LRFN5: variants seen among roughly 807,000 people sequenced by gnomAD.
LRFN5 encodes the protein leucine-rich repeat and fibronectin type-III domain-containing protein 5.
In LRFN5, 24 loss-of-function variants were observed where a neutral mutation model predicts 45.6. The ratio of observed to expected loss-of-function variants is 0.53; its 90% CI spans 0.38 to 0.74. The LOEUF (loss-of-function observed/expected upper bound fraction) is 0.74, where lower values mean the gene tolerates loss of function less well. Among genes scored for constraint, LRFN5 ranks in the 30% least tolerant of loss-of-function variants. The pLI, the probability that LRFN5 is intolerant of heterozygous loss-of-function variation, is 0.00. For missense variants in LRFN5, 776 were observed against 861.5 expected (o/e 0.90, Z 1.24); for synonymous variants, 340 against 313.8 (o/e 1.08, Z -0.88).
intron 1 of LRFN5, among the ~76,000 whole-genome samples, chr14:41,660,268 C>G (rs1313291453): frequency 6.6e-6 from 1 of 152,056 alleles, no homozygotes; most frequent in East Asian, 1.9e-4. Flanking sequence ...TCAGGTTATC[C>G]ACCCACCTTG....
chr14:41,788,166 A>C (rs1393806583), intron 2 of LRFN5, among the ~76,000 whole-genome samples: 1 of 152,096 alleles, frequency 6.6e-6, no homozygotes, highest in Non-Finnish European at 1.5e-5. Context: ...CAGCCCAAGC[A>C]GAGTTATATT....
intron 1 of LRFN5, among the ~76,000 whole-genome samples, chr14:41,758,363 A>G (rs1885504974): frequency 6.6e-6 from 1 of 152,224 alleles, no homozygotes; most frequent in African/African-American, 2.4e-5. Context: ...GAGACAATTA[A>G]TCCCTTATGT....
Position 41,887,229 on chromosome 14 carries a change from G to C in LRFN5, c.604G>C (p.Val202Leu). 1 of 1,614,172 alleles carries C rather than the reference G, an allele frequency of 6.2e-7. No homozygotes were observed. The highest frequency in any genetic ancestry group is 8.5e-7 in the Non-Finnish European group (1 of 1,180,034). Residue 202 changes from valine (V) to leucine (L), a missense_variant, in exon 3 of 6, where the codon GTG becomes CTG. This residue lies in a region of LRFN5 where 311 missense variants were observed against 405.1 expected (regional missense o/e 0.77). Coordinates refer to ENST00000298119, the MANE Select transcript of LRFN5 (RefSeq NM_152447.5). The surrounding 1 kb of genome is among the most constrained non-coding windows in gnomAD (Gnocchi z 4.8). ...SHLHKMTRLD[V>L]TSNKLQKLPP... ...TTTGCACAAGATGACTCGGTTAGAT[G>C]TGACATCAAATAAATTGCAGAAGCT...
At chr14:41,737,243 G>A (rs932328412) in intron 1 of LRFN5, among the ~76,000 whole-genome samples, 1 of 151,958 alleles carries the variant, frequency 6.6e-6, no homozygotes, top group Non-Finnish European at 1.5e-5. Context: ...AGAACCAATG[G>A]CAAAAAACAC....
chr14:41,734,313 GTTTTATATATAT>G (rs1190179300), intron 1 of LRFN5, among the ~76,000 whole-genome samples: 1 of 12,442 alleles, frequency 8.0e-5, no homozygotes, highest in East Asian at 4.0e-3. Context: ...TCCTGGACTG[GTTTTATATATAT>G]ATATATATAT....
intron 2 of LRFN5, among the ~76,000 whole-genome samples, chr14:41,848,625 T>A (rs772026964): frequency 3.9e-5 from 6 of 152,030 alleles, no homozygotes; most frequent in Non-Finnish European, 7.4e-5. Flanking sequence ...CAAGAAACAC[T>A]ATGAATTGGG....
chr14:41,837,018 G>C (rs948316249), intron 2 of LRFN5, among the ~76,000 whole-genome samples: 1 of 151,876 alleles, frequency 6.6e-6, no homozygotes, highest in Non-Finnish European at 1.5e-5. Context: ...GGGTGGTTTT[G>C]CCAGTTTCTT....
At chr14:41,702,527 A>G (rs1882880232) in intron 1 of LRFN5, among the ~76,000 whole-genome samples, 1 of 152,150 alleles carries the variant, frequency 6.6e-6, no homozygotes, top group Admixed American at 6.6e-5. Flanking sequence ...CAGTGACACA[A>G]TCGTAGCTCA....
At chr14:41,745,614 T>TA (rs1241635904) in intron 1 of LRFN5, among the ~76,000 whole-genome samples, 1 of 151,322 alleles carries the variant, frequency 6.6e-6, no homozygotes, top group East Asian at 1.9e-4. Context: ...AAATGCTTAA[T>TA]AAAAATTTAT....
In LRFN5 at chr14:41,606,934, C is replaced by G. The variant is rs534611431; in HGVS notation, c.-1825C>G. ...GCTCAGTTCCACGCGGCCAGGAGGCCGCCGTTGCCCACACGCGACGCTTTG... is the reference window on the plus strand; with the variant it reads ...GCTCAGTTCCACGCGGCCAGGAGGCGGCCGTTGCCCACACGCGACGCTTTG... On this transcript the variant is annotated 5_prime_UTR_variant, in exon 1 of 6. Coordinates refer to ENST00000298119, the MANE Select transcript of LRFN5 (RefSeq NM_152447.5). 2.0e-5 allele frequency among the ~76,000 whole-genome samples: 3 copies of G among 151,968 alleles called. No homozygotes were observed. Among genetic ancestry groups the G allele is most frequent in the Non-Finnish European group, 4.4e-5 (3 of 67,970 alleles).
intron 1 of LRFN5, among the ~76,000 whole-genome samples, chr14:41,690,214 G>GAA (rs11461909): frequency 6.6e-5 from 10 of 151,290 alleles, no homozygotes; most frequent in South Asian, 6.3e-4. Flanking sequence ...ATAATTAAAA[G>GAA]AAAAAAAAGG....
intron 1 of LRFN5, among the ~76,000 whole-genome samples, chr14:41,699,217 A>G (rs1882739212): frequency 6.6e-6 from 1 of 152,038 alleles, no homozygotes; most frequent in African/African-American, 2.4e-5. Flanking sequence ...TCTCTGGGGT[A>G]GGTTATGAAA....
chr14:41,742,519 G>T (rs957209581), intron 1 of LRFN5: 2 of 152,078 alleles, frequency 1.3e-5, no homozygotes, highest in African/African-American at 2.4e-5. Context: ...ACTGACTTAG[G>T]TCCCAACTTC....
intron 1 of LRFN5, among the ~76,000 whole-genome samples, chr14:41,640,995 A>G (rs765776913): frequency 2.6e-5 from 4 of 152,130 alleles, no homozygotes; most frequent in South Asian, 2.1e-4. Context: ...AAGGATGACT[A>G]TTCAAAGAAA....
chr14:41,814,862 G>A lies in LRFN5; in HGVS notation c.-21+47833G>A, dbSNP rs190203825. ...ACTTACTGTGAAACACTTCTGAGAC[G>A]GAATAACATTTAAGCTTTGGTATGA... On this transcript the variant is annotated intron_variant, in intron 2 of 5. Transcript: ENST00000298119. Among the ~76,000 whole-genome samples the A allele has an allele frequency of 5.9e-5, 9 of 152,186 alleles. No homozygotes were observed. The East Asian group carries it at 1.4e-3, about 23-fold the overall frequency.
At chr14:41,819,847 G>A (rs1159670173) in intron 2 of LRFN5, among the ~76,000 whole-genome samples, 1 of 152,004 alleles carries the variant, frequency 6.6e-6, no homozygotes, top group Admixed American at 6.6e-5. Flanking sequence ...ATGAGGTTTG[G>A]GTGGAGACAC....
Position 41,887,275 on chromosome 14 carries a change from A to G in LRFN5, c.650A>G (p.Gln217Arg). 1.9e-6 allele frequency: 3 copies of G among 1,614,200 alleles called. No homozygotes were observed. The highest frequency in any genetic ancestry group is 2.5e-6 in the Non-Finnish European group (3 of 1,180,040). The change falls in exon 3 of 6, where the codon CAG (glutamine) becomes CGG (arginine). Residue 217 changes from glutamine (Q) to arginine (R), a missense_variant. Coordinates refer to ENST00000298119, the MANE Select transcript of LRFN5 (RefSeq NM_152447.5). This position sits in a 1 kb window ranked among gnomAD's most constrained non-coding sequence, Gnocchi z 4.8. ...LQKLPPDPLF[Q>R]RAQVLATSGI... Reference sequence around the variant, plus strand: ...AAGCTACCACCTGACCCTCTCTTTCAGCGAGCTCAGGTACTAGCAACCTCA... The same window carrying G: ...AAGCTACCACCTGACCCTCTCTTTCGGCGAGCTCAGGTACTAGCAACCTCA...
chr14:41,625,259 G>A (rs1328507765), intron 1 of LRFN5, among the ~76,000 whole-genome samples: 2 of 114,142 alleles, frequency 1.8e-5, no homozygotes, highest in East Asian at 4.3e-4. Flanking sequence ...ATCAAGGGTG[G>A]GTTCATCTGG....
chr14:41,755,694 A>G (rs568372427), intron 1 of LRFN5, among the ~76,000 whole-genome samples: 1 of 152,308 alleles, frequency 6.6e-6, no homozygotes, highest in East Asian at 1.9e-4. Context: ...AATACAGCAC[A>G]CTGATGGGCC....
Sources: allele counts gnomAD v4.1 joint callset (sites outside exome capture counted in the v4.1 genomes callset), GRCh38; gene constraint gnomAD v4.1.1; regional missense constraint gnomAD v4.1.1; non-coding constraint Gnocchi (gnomAD v3.1); transcripts MANE v1.5; gene names NCBI Gene and HGNC (gene_info 2026-07-23, HGNC 2026-07-21).